The following ANO3 variants were observed in gnomAD, a reference collection of about 807,000 sequenced individuals.
The protein encoded by ANO3 is anoctamin 3.
Under a neutral mutation model 144.8 loss-of-function variants are expected in ANO3, and 99 were observed. The observed-to-expected ratio is 0.68, with a 90% confidence interval of 0.58 to 0.81. The LOEUF (loss-of-function observed/expected upper bound fraction) is 0.81, where lower values mean the gene tolerates loss of function less well. Ranked by LOEUF, ANO3 falls within the 30% of genes least tolerant of loss-of-function variation. The pLI is 0.00. For missense variants in ANO3, 905 were observed against 1,202.2 expected (o/e 0.75, Z 3.66); for synonymous variants, 414 against 392.6 (o/e 1.05, Z -0.64).
chr11:26,291,364 T>C (rs1388424896), intron 1 of ANO3, among the ~76,000 whole-genome samples: 3 of 152,206 alleles, frequency 2.0e-5, no homozygotes, highest in African/African-American at 7.2e-5. Flanking sequence ...CTTTATCCAA[T>C]TTGCCAGTCT....
At chr11:26,233,161 G>A (rs1314183034) in intron 1 of ANO3, among the ~76,000 whole-genome samples, 2 of 151,112 alleles carry the variant, frequency 1.3e-5, no homozygotes, top group East Asian at 1.9e-4. Flanking sequence ...AGCTTGCAGT[G>A]AGCCGAGATT....
intron 1 of ANO3, among the ~76,000 whole-genome samples, chr11:26,423,822 G>C (rs1857832072): frequency 6.6e-6 from 1 of 151,956 alleles, no homozygotes; most frequent in African/African-American, 2.4e-5. Context: ...GTGAGGAACT[G>C]TGGAGCATAC....
chr11:26,267,459 G>C (rs896152049), intron 1 of ANO3, among the ~76,000 whole-genome samples: 9 of 152,084 alleles, frequency 5.9e-5, no homozygotes, highest in African/African-American at 2.2e-4. Context: ...TGGATAATAA[G>C]GAAAATACAT....
chr11:26,546,467 T>C (rs996560072), intron 11 of ANO3, among the ~76,000 whole-genome samples: 5 of 151,976 alleles, frequency 3.3e-5, no homozygotes, highest in African/African-American at 9.7e-5. Context: ...TTATCAAGAA[T>C]CACTGCTCAG....
At chr11:26,397,916 C>T (rs1190378898) in intron 1 of ANO3, among the ~76,000 whole-genome samples, 1 of 151,266 alleles carries the variant, frequency 6.6e-6, no homozygotes, top group Admixed American at 6.6e-5. Context: ...ACACATTTAG[C>T]CTGTCTTTTA....
chr11:26,212,074 G>A (rs1851944908), intron 1 of ANO3, among the ~76,000 whole-genome samples: 1 of 152,094 alleles, frequency 6.6e-6, no homozygotes, highest in African/African-American at 2.4e-5. Flanking sequence ...GGGGGGATAG[G>A]GAAGGGATAG....
chr11:26,234,946 G>T (rs533916844), intron 1 of ANO3, among the ~76,000 whole-genome samples: 1 of 150,186 alleles, frequency 6.7e-6, no homozygotes, highest in Non-Finnish European at 1.5e-5. Context: ...GCAAGGACAA[G>T]AGAAGGCTGA....
At chr11:26,588,453 A>G (rs1007295276) in intron 14 of ANO3, among the ~76,000 whole-genome samples, 1 of 152,230 alleles carries the variant, frequency 6.6e-6, no homozygotes, top group Non-Finnish European at 1.5e-5. Flanking sequence ...AACAAAGGTT[A>G]CCTCAATATT....
At chr11:26,224,491 C>T (rs1333333886) in intron 1 of ANO3, among the ~76,000 whole-genome samples, 2 of 152,254 alleles carry the variant, frequency 1.3e-5, no homozygotes, top group Non-Finnish European at 2.9e-5. Flanking sequence ...CCCTTTTGTG[C>T]TTCTCTGTTC....
Position 26,542,039 on chromosome 11 carries a change from G to T in ANO3, c.1125G>T (p.Trp375Cys), listed in dbSNP as rs1849659373. ...AGCGCTGGGCACGCTGGGGAATGTG[G>T]TATAAGCATCAGCCTCTGGATTTAA... ...LYERWARWGMWYKHQPLDLIR... is the reference protein window; with the variant it reads ...LYERWARWGMCYKHQPLDLIR... The change falls in exon 11 of 27, where the codon TGG becomes TGT. Residue 375 changes from tryptophan (W) to cysteine (C), a missense_variant. This residue lies in a region of ANO3 where 597 missense variants were observed against 865.1 expected (regional missense o/e 0.69). Transcript: ENST00000256737. 1 of 1,612,338 alleles carries T rather than the reference G, an allele frequency of 6.2e-7. No homozygotes were observed. Among genetic ancestry groups the T allele is most frequent in the Non-Finnish European group, 8.5e-7 (1 of 1,178,938 alleles).
intron 1 of ANO3, among the ~76,000 whole-genome samples, chr11:26,381,064 G>A (rs540386195): frequency 2.0e-5 from 3 of 152,178 alleles, no homozygotes; most frequent in African/African-American, 7.2e-5. Context: ...AGACTGAATC[G>A]AGGCCCCTGA....
chr11:26,410,087 G>A (rs1289023630), intron 1 of ANO3, among the ~76,000 whole-genome samples: 1 of 151,960 alleles, frequency 6.6e-6, no homozygotes, highest in Non-Finnish European at 1.5e-5. Context: ...CAGAGCTGAA[G>A]AGGTAGTATT....
At chr11:26,203,830 A>G (rs1851745017) in intron 1 of ANO3, among the ~76,000 whole-genome samples, 1 of 152,208 alleles carries the variant, frequency 6.6e-6, no homozygotes, top group African/African-American at 2.4e-5. Flanking sequence ...TAACTCCTAC[A>G]AAAGTTTCTC....
At chr11:26,342,449 C>G (rs1323150294) in intron 1 of ANO3, among the ~76,000 whole-genome samples, 2 of 151,448 alleles carry the variant, frequency 1.3e-5, no homozygotes, top group Non-Finnish European at 2.9e-5. Context: ...CTCATCTGCC[C>G]TTTTCCTATG....
intron 1 of ANO3, among the ~76,000 whole-genome samples, chr11:26,221,871 C>G (rs977268766): frequency 2.6e-5 from 4 of 152,174 alleles, no homozygotes; most frequent in Admixed American, 2.6e-4. Flanking sequence ...AGGTATCCAC[C>G]TCCATGACCT....
chr11:26,563,223 G>A lies in ANO3; in HGVS notation c.1447+3444G>A, dbSNP rs568643823. On this transcript the variant is annotated intron_variant, in intron 14 of 26. Transcript: ENST00000256737. ...AGTAAGCAATGAGACACCCAGAATAGCACCTAAAATGGCCCCGAATACTAT... is the reference window on the plus strand; with the variant it reads ...AGTAAGCAATGAGACACCCAGAATAACACCTAAAATGGCCCCGAATACTAT... 12 of 1,611,088 alleles carry A rather than the reference G, an allele frequency of 7.4e-6. No homozygotes were observed. In the South Asian group the frequency reaches 1.2e-4, roughly 16 times the overall value.
chr11:26,230,797 CAAAAAAAAAAAAAAAAAAAAAAAAAA>C (rs1168180646), intron 1 of ANO3, among the ~76,000 whole-genome samples: 3 of 11,328 alleles, frequency 2.6e-4, no homozygotes, highest in African/African-American at 3.5e-4. Context: ...ACTCCATCTC[CAAAAAAAAAAAAAAAAAAAAAAAAAA>C]AAAAAAAAAA....
intron 3 of ANO3, among the ~76,000 whole-genome samples, chr11:26,450,281 A>G (rs1421778209): frequency 6.6e-6 from 1 of 152,070 alleles, no homozygotes; most frequent in Non-Finnish European, 1.5e-5. Context: ...GTGAGTAGAA[A>G]ACACTAGCAC....
At chr11:26,470,907 A>G (rs571534918) in intron 4 of ANO3, among the ~76,000 whole-genome samples, 78 of 152,066 alleles carry the variant, frequency 5.1e-4, no homozygotes, top group African/African-American at 1.8e-3. Context: ...TTTTCCAAAC[A>G]GTTTTTCCAT....
Sources: allele counts gnomAD v4.1 joint callset (sites outside exome capture counted in the v4.1 genomes callset), GRCh38; gene constraint gnomAD v4.1.1; regional missense constraint gnomAD v4.1.1; transcripts MANE v1.5; gene names NCBI Gene and HGNC (gene_info 2026-07-23, HGNC 2026-07-21).